Variants in TMEM135 observed in about 807,000 individuals in gnomAD.
TMEM135 encodes transmembrane protein 135, also known as peroxisomal membrane protein 52.
Under a neutral mutation model 60.3 loss-of-function variants are expected in TMEM135, and 30 were observed. That is an observed-to-expected ratio of 0.50 (90% CI 0.37 to 0.68). The LOEUF (loss-of-function observed/expected upper bound fraction) is 0.68, where lower values mean the gene tolerates loss of function less well. Among genes scored for constraint, TMEM135 ranks in the 30% least tolerant of loss-of-function variants. The pLI is 0.00. For synonymous variants in TMEM135, 190 were observed against 186.7 expected (o/e 1.02, Z -0.14); for missense variants, 468 against 548.8 (o/e 0.85, Z 1.47).
At chr11:87,224,794 A>G (rs535698684) in intron 5 of TMEM135, among the ~76,000 whole-genome samples, 21 of 150,778 alleles carry the variant, frequency 1.4e-4, no homozygotes, top group African/African-American at 4.6e-4. Flanking sequence ...TGAAAAAGTA[A>G]CATGTTTGGC....
chr11:87,308,051 G>A (rs1942581356), intron 9 of TMEM135, among the ~76,000 whole-genome samples: 1 of 152,094 alleles, frequency 6.6e-6, no homozygotes, highest in Admixed American at 6.5e-5. Flanking sequence ...GTCTATCCTA[G>A]TGTCTTGATT....
At chr11:87,299,637 G>A (rs543135038) in intron 7 of TMEM135, among the ~76,000 whole-genome samples, 1 of 152,322 alleles carries the variant, frequency 6.6e-6, no homozygotes, top group East Asian at 1.9e-4. Flanking sequence ...TAAGTATTAA[G>A]AATACACTCG....
intron 5 of TMEM135, among the ~76,000 whole-genome samples, chr11:87,202,532 C>A (rs1444777740): frequency 1.3e-5 from 2 of 151,760 alleles, no homozygotes; most frequent in East Asian, 1.9e-4. Flanking sequence ...TGCCAGCTTG[C>A]CCAGGCTGGT....
At chr11:87,151,338 C>T (rs1161109042) in intron 4 of TMEM135, among the ~76,000 whole-genome samples, 4 of 151,870 alleles carry the variant, frequency 2.6e-5, no homozygotes, top group African/African-American at 4.8e-5. Flanking sequence ...TTCTTAGAGT[C>T]CTTCAGTTCT....
At chr11:87,108,438 C>T (rs952347131) in intron 4 of TMEM135, among the ~76,000 whole-genome samples, 10 of 151,778 alleles carry the variant, frequency 6.6e-5, no homozygotes, top group African/African-American at 2.4e-4. Context: ...TTTCATTTTT[C>T]ATTTTATTTT....
At chr11:87,251,910 C>G (rs925614759) in intron 6 of TMEM135, among the ~76,000 whole-genome samples, 14 of 152,168 alleles carry the variant, frequency 9.2e-5, no homozygotes, top group African/African-American at 3.4e-4. Flanking sequence ...TGTTATTGCT[C>G]TAGATGTATC....
chr11:87,238,441 A>C (rs1941055849), intron 6 of TMEM135, among the ~76,000 whole-genome samples: 2 of 152,038 alleles, frequency 1.3e-5, no homozygotes, highest in Non-Finnish European at 2.9e-5. Context: ...CTTGAACTGC[A>C]AAAGATTTTG....
chr11:87,200,836 T>C (rs1940077744), intron 5 of TMEM135, among the ~76,000 whole-genome samples: 1 of 152,190 alleles, frequency 6.6e-6, no homozygotes, highest in South Asian at 2.1e-4. Flanking sequence ...TATTTTTGCC[T>C]TTTCCAAAGT....
chr11:87,249,490 T>C (rs982114349), intron 6 of TMEM135, among the ~76,000 whole-genome samples: 1 of 152,194 alleles, frequency 6.6e-6, no homozygotes, highest in Non-Finnish European at 1.5e-5. Flanking sequence ...GTTATTTTCT[T>C]CTGCTAATTT....
At chr11:87,150,217 A>G (rs1190139056) in intron 4 of TMEM135, among the ~76,000 whole-genome samples, 5 of 48,102 alleles carry the variant, frequency 1.0e-4, no homozygotes, top group Non-Finnish European at 1.5e-4. Flanking sequence ...CTCTGTCTCA[A>G]AAAAAAAAAA....
intron 4 of TMEM135, among the ~76,000 whole-genome samples, chr11:87,120,099 GTTT>G (rs148391412): frequency 9.9e-6 from 1 of 101,154 alleles, no homozygotes; most frequent in African/African-American, 3.6e-5. Flanking sequence ...TTATTAGTCT[GTTT>G]TTTTCTTCTT....
At chr11:87,225,002 G>C (rs945615308) in intron 5 of TMEM135, among the ~76,000 whole-genome samples, 1 of 151,890 alleles carries the variant, frequency 6.6e-6, no homozygotes, top group African/African-American at 2.4e-5. Context: ...AATAAATAAG[G>C]ATTATGGAAT....
chr11:87,046,240 A>C lies in TMEM135; in HGVS notation c.141+8054A>C, dbSNP rs143741177. Among the ~76,000 whole-genome samples, 897 of 152,258 alleles carry C rather than the reference A, an allele frequency of 5.9e-3. 12 individuals carry two copies. Among genetic ancestry groups the C allele is most frequent in the African/African-American group, 0.021 (856 of 41,554 alleles). On this transcript the variant is annotated intron_variant, in intron 1 of 14. Transcript: ENST00000305494. Reference sequence around the variant, plus strand: ...GGTCAAATGCTGAAACCCCTCCCCTACTAAAAATACAAAAATTAGCCAGCG... The same window carrying C: ...GGTCAAATGCTGAAACCCCTCCCCTCCTAAAAATACAAAAATTAGCCAGCG...
chr11:87,080,443 A>C (rs1856965895), intron 3 of TMEM135, among the ~76,000 whole-genome samples: 1 of 151,862 alleles, frequency 6.6e-6, no homozygotes, highest in African/African-American at 2.4e-5. Context: ...TATCTTTACT[A>C]ATTTTCTTAG....
chr11:87,313,458 T>C lies in TMEM135; in HGVS notation c.970T>C (p.Leu324=), dbSNP rs1364490324. ...TTGCTTCCTGCGCTGGATCAGAAAC[T>C]TAGATGATGAACTACATGCTATTAT... The part of the protein sequence containing the change: ...TSCFLRWIRN[L]DDELHAIIAG... Residue 324 remains leucine, a synonymous_variant, in exon 11 of 15, where the codon TTA becomes CTA. Coordinates refer to ENST00000305494, the MANE Select transcript of TMEM135 (RefSeq NM_022918.4). 10 of 1,611,022 alleles carry C rather than the reference T, an allele frequency of 6.2e-6. No individual in the cohort carries two copies. Among genetic ancestry groups the C allele is most frequent in the Admixed American group, 1.7e-5 (1 of 59,862 alleles).
chr11:87,296,849 T>C (rs1044363608), intron 7 of TMEM135, among the ~76,000 whole-genome samples: 2 of 151,882 alleles, frequency 1.3e-5, no homozygotes. Flanking sequence ...AGAGTGAAAA[T>C]TGTAAAAATG....
At chr11:87,093,116 C>T (rs1857247578) in intron 4 of TMEM135, among the ~76,000 whole-genome samples, 2 of 152,154 alleles carry the variant, frequency 1.3e-5, no homozygotes, top group Admixed American at 1.3e-4. Context: ...TTCTTAATCA[C>T]TCTTTAACAT....
chr11:87,166,842 A>G (rs968885234), intron 5 of TMEM135, among the ~76,000 whole-genome samples: 5 of 152,060 alleles, frequency 3.3e-5, no homozygotes, highest in African/African-American at 4.8e-5. Context: ...TTCTGTGAAG[A>G]AAGTCAATGG....
chr11:87,295,726 A>G, intron 6 of TMEM135, 56 bp from the exon 7 acceptor site: 1 of 1,409,934 alleles, frequency 7.1e-7, no homozygotes, highest in Admixed American at 2.0e-5. Context: ...AAAATTGAAT[A>G]GGTACTTGTA....
Sources: allele counts gnomAD v4.1 joint callset (sites outside exome capture counted in the v4.1 genomes callset), GRCh38; gene constraint gnomAD v4.1.1; transcripts MANE v1.5; gene names NCBI Gene and HGNC (gene_info 2026-07-23, HGNC 2026-07-21).